ELAVL2: variants seen among roughly 807,000 people sequenced by gnomAD.
ELAVL2 encodes ELAV like RNA binding protein 2.
Under a neutral mutation model 34.6 loss-of-function variants are expected in ELAVL2, and 4 were observed. That is an observed-to-expected ratio of 0.12 (90% CI 0.06 to 0.26). ELAVL2 has a LOEUF of 0.26. Among genes scored for constraint, ELAVL2 ranks in the 10% least tolerant of loss-of-function variants. ELAVL2 has a pLI of 1.00. For missense variants in ELAVL2, 432 were observed against 442.8 expected, an observed-to-expected ratio of 0.98 and a Z score of 0.22; for synonymous variants, 193 against 154.8, an observed-to-expected ratio of 1.25 and a Z score of -1.83.
chr9:23,794,797 A>G (rs2137366718), intron 1 of ELAVL2, among the ~76,000 whole-genome samples: 1 of 152,302 alleles, frequency 6.6e-6, no homozygotes, highest in African/African-American at 2.4e-5. Flanking sequence ...AGATTTCCTG[A>G]CCAATGGAAT....
chr9:23,820,410 T>A (rs993437204), intron 1 of ELAVL2, among the ~76,000 whole-genome samples: 1 of 152,088 alleles, frequency 6.6e-6, no homozygotes, highest in Non-Finnish European at 1.5e-5. Flanking sequence ...AGGGAGGGAA[T>A]AAAGGAGAGT....
At chr9:23,715,802 A>C (rs1402695064) in intron 3 of ELAVL2, among the ~76,000 whole-genome samples, 3 of 152,170 alleles carry the variant, frequency 2.0e-5, no homozygotes, top group Non-Finnish European at 4.4e-5. Flanking sequence ...ATGTTAAACT[A>C]AAGAAGGACT....
intron 1 of ELAVL2, chr9:23,779,338 G>A (rs867911185): frequency 1.0e-6 from 1 of 985,412 alleles, no homozygotes; most frequent in Non-Finnish European, 1.2e-6. Context: ...GGCAATTCCA[G>A]GGCCTGCAGA....
intron 3 of ELAVL2, among the ~76,000 whole-genome samples, chr9:23,710,066 G>A (rs1022656850): frequency 6.6e-6 from 1 of 152,114 alleles, no homozygotes; most frequent in African/African-American, 2.4e-5. Flanking sequence ...ATGGCCCATG[G>A]CTTCTCAAAC....
At chr9:23,804,940 C>T (rs1288087932) in intron 1 of ELAVL2, among the ~76,000 whole-genome samples, 1 of 152,116 alleles carries the variant, frequency 6.6e-6, no homozygotes, top group Non-Finnish European at 1.5e-5. Context: ...TCTCTGATGT[C>T]CTTGAACTTG....
intron 2 of ELAVL2, among the ~76,000 whole-genome samples, chr9:23,749,249 A>G (rs751707825): frequency 2.0e-5 from 3 of 152,132 alleles, no homozygotes; most frequent in Non-Finnish European, 1.5e-5. Context: ...CTAACATACT[A>G]TCATTAATGC....
rs181184680 is a variant in ELAVL2 at position 23,694,463 on chromosome 9, A to G, written c.714-977T>C. Among the ~76,000 whole-genome samples the G allele has an allele frequency of 1.0e-3, 158 of 152,272 alleles. No individual in the cohort carries two copies. The Middle Eastern group carries it at 0.014, about 13-fold the overall frequency. On this transcript the variant is annotated intron_variant, in intron 5 of 6. Transcript: ENST00000397312. ...GTGTTCTGAGGAGGAGGCATAACTT[A>G]ATACATAGTCCACAACCACCCTCAA...
At chr9:23,721,455 T>C (rs979201066) in intron 3 of ELAVL2, among the ~76,000 whole-genome samples, 1 of 152,224 alleles carries the variant, frequency 6.6e-6, no homozygotes, top group Non-Finnish European at 1.5e-5. Flanking sequence ...TTGTTCTATT[T>C]TTCCTTGCCC....
the ELAVL2 span, among the ~76,000 whole-genome samples, chr9:23,841,952 G>T: frequency 6.6e-6 from 1 of 152,082 alleles, no homozygotes; most frequent in Non-Finnish European, 1.5e-5. Context: ...ATTCTCGAAA[G>T]TTTCAAAATC....
chr9:23,705,117 C>A (rs1172551423), intron 3 of ELAVL2, 46 bp from the exon 4 acceptor site: 1 of 1,605,926 alleles, frequency 6.2e-7, no homozygotes, highest in Non-Finnish European at 8.5e-7. Context: ...GCTCACTCAC[C>A]CACCTCCCTT....
the ELAVL2 span, chr9:23,832,361 A>G: frequency 1.3e-5 from 2 of 152,194 alleles, no homozygotes; most frequent in African/African-American, 2.4e-5. Flanking sequence ...AATCCCAGGT[A>G]TGTACTCTAA....
intron 1 of ELAVL2, chr9:23,764,967 A>T: frequency 6.5e-7 from 1 of 1,542,236 alleles, no homozygotes; most frequent in Non-Finnish European, 8.8e-7. Context: ...CCAACATGCT[A>T]AAAAAAAGTA....
intron 2 of ELAVL2, among the ~76,000 whole-genome samples, chr9:23,754,417 A>ACC (rs1209099865): frequency 6.6e-6 from 1 of 151,650 alleles, no homozygotes; most frequent in Non-Finnish European, 1.5e-5. Context: ...CAGATTTGCC[A>ACC]CCCCAAAATA....
intron 1 of ELAVL2, among the ~76,000 whole-genome samples, chr9:23,793,135 T>A (rs555578240): frequency 6.6e-6 from 1 of 152,150 alleles, no homozygotes; most frequent in South Asian, 2.1e-4. Context: ...TCTCTGCTTA[T>A]TTCCTTTCTA....
chr9:23,821,945 C>T (rs2064849365), intron 1 of ELAVL2: 1 of 151,368 alleles, frequency 6.6e-6, no homozygotes. Context: ...GCGTGCCCTG[C>T]CCGACCGCCC....
chr9:23,840,013 G>A, the ELAVL2 span, among the ~76,000 whole-genome samples: 2 of 152,078 alleles, frequency 1.3e-5, no homozygotes, highest in South Asian at 2.1e-4. Context: ...TATTAAAAAG[G>A]CCTTTCAAGT....
intron 4 of ELAVL2, among the ~76,000 whole-genome samples, chr9:23,702,975 A>AAAAAAAAAAAAAAAAT (rs1563957664): frequency 7.1e-6 from 1 of 140,312 alleles, no homozygotes; most frequent in East Asian, 2.1e-4. Flanking sequence ...AAAAAAAAAA[A>AAAAAAAAAAAAAAAAT]AAAAAACAGC....
At chr9:23,702,822 C>G (rs2037759374) in intron 4 of ELAVL2, among the ~76,000 whole-genome samples, 1 of 151,696 alleles carries the variant, frequency 6.6e-6, no homozygotes, top group South Asian at 2.1e-4. Context: ...AGTAAGTTCA[C>G]TTTGAAAGCC....
At chr9:23,718,365 T>C (rs7847989) in intron 3 of ELAVL2, among the ~76,000 whole-genome samples, 26,441 of 152,114 alleles carry the variant, frequency 0.17, 2,822 homozygotes, top group South Asian at 0.36. Context: ...GACACAATTA[T>C]CAGGGATCTA....
Sources: allele counts gnomAD v4.1 joint callset (sites outside exome capture counted in the v4.1 genomes callset), GRCh38; gene constraint gnomAD v4.1.1; transcripts MANE v1.5; gene names NCBI Gene and HGNC (gene_info 2026-07-23, HGNC 2026-07-21).